HS3ST3A1: variants seen among roughly 807,000 people sequenced by gnomAD.
HS3ST3A1 encodes heparan sulfate glucosamine 3-O-sulfotransferase 3A1.
Under a neutral mutation model 25.7 loss-of-function variants are expected in HS3ST3A1, and 19 were observed. The observed-to-expected ratio is 0.74, with a 90% confidence interval of 0.52 to 1.08. HS3ST3A1 has a LOEUF of 1.08. Ranked by LOEUF, HS3ST3A1 falls within the 50% of genes least tolerant of loss-of-function variation. HS3ST3A1 has a pLI of 0.00. For synonymous variants in HS3ST3A1, 226 were observed against 278.6 expected, an observed-to-expected ratio of 0.81 and a Z score of 1.88; for missense variants, 459 against 594.3, an observed-to-expected ratio of 0.77 and a Z score of 2.37.
chr17:13,527,559 T>G (rs1906472203), intron 1 of HS3ST3A1, among the ~76,000 whole-genome samples: 1 of 152,086 alleles, frequency 6.6e-6, no homozygotes, highest in Non-Finnish European at 1.5e-5. Flanking sequence ...GAAGCCCCCC[T>G]GCTCCCCACA....
chr17:13,531,103 TTA>T (rs990006122), intron 1 of HS3ST3A1, among the ~76,000 whole-genome samples: 4 of 134,898 alleles, frequency 3.0e-5, no homozygotes, highest in African/African-American at 1.4e-4. Context: ...ACTTCTTAAT[TTA>T]ATCAAGCATT....
intron 1 of HS3ST3A1, among the ~76,000 whole-genome samples, chr17:13,563,437 C>T (rs1907598293): frequency 6.6e-6 from 1 of 152,102 alleles, no homozygotes; most frequent in Admixed American, 6.5e-5. Flanking sequence ...GGACCTATGC[C>T]AGCTGGGGCC....
intron 1 of HS3ST3A1, among the ~76,000 whole-genome samples, chr17:13,541,858 T>C (rs1385136538): frequency 2.0e-5 from 3 of 152,170 alleles, no homozygotes; most frequent in East Asian, 1.9e-4. Context: ...CTGTGAACAA[T>C]CTTGACTTGC....
At chr17:13,587,314 T>C (rs1320912094) in intron 1 of HS3ST3A1, among the ~76,000 whole-genome samples, 6 of 151,366 alleles carry the variant, frequency 4.0e-5, no homozygotes, top group East Asian at 2.0e-4. Flanking sequence ...ATTAGCTGGG[T>C]GTGGTGGCGT....
chr17:13,516,225 G>C (rs1042091916), intron 1 of HS3ST3A1, among the ~76,000 whole-genome samples: 4 of 152,074 alleles, frequency 2.6e-5, no homozygotes, highest in African/African-American at 4.8e-5. Context: ...CAGGAGAATC[G>C]CTTGAACCCA....
At chr17:13,551,286 T>C (rs1218196349) in intron 1 of HS3ST3A1, among the ~76,000 whole-genome samples, 2 of 150,950 alleles carry the variant, frequency 1.3e-5, no homozygotes, top group Admixed American at 6.6e-5. Context: ...GAGGCAGAGG[T>C]TGCAGTGAGC....
At chr17:13,550,103 C>T (rs1252706018) in intron 1 of HS3ST3A1, among the ~76,000 whole-genome samples, 1 of 152,216 alleles carries the variant, frequency 6.6e-6, no homozygotes, top group East Asian at 1.9e-4. Context: ...TGCAACACCA[C>T]ACAGCATATA....
chr17:13,574,278 T>A (rs928719021), intron 1 of HS3ST3A1, among the ~76,000 whole-genome samples: 23 of 151,554 alleles, frequency 1.5e-4, no homozygotes, highest in African/African-American at 5.1e-4. Context: ...GGACTACAGG[T>A]GTGTGTCACC....
chr17:13,506,785 G>A (rs569353066), intron 1 of HS3ST3A1, among the ~76,000 whole-genome samples: 11 of 151,974 alleles, frequency 7.2e-5, no homozygotes, highest in African/African-American at 2.7e-4. Context: ...GGCCGGGAGC[G>A]GTGGCTCACG....
intron 1 of HS3ST3A1, among the ~76,000 whole-genome samples, chr17:13,511,074 G>T (rs1014006046): frequency 6.6e-6 from 1 of 152,132 alleles, no homozygotes; most frequent in Non-Finnish European, 1.5e-5. Context: ...GCTGTACCAC[G>T]TACCACTACG....
chr17:13,499,585 T>C (rs1905393553), intron 1 of HS3ST3A1, among the ~76,000 whole-genome samples: 1 of 150,952 alleles, frequency 6.6e-6, no homozygotes, highest in Non-Finnish European at 1.5e-5. Context: ...GGTTGGCCTG[T>C]TGGGGAAGGG....
intron 1 of HS3ST3A1, among the ~76,000 whole-genome samples, chr17:13,542,968 C>T: frequency 6.6e-6 from 1 of 152,150 alleles, no homozygotes; most frequent in East Asian, 1.9e-4. Context: ...CTGACAGCTT[C>T]CAGAGAGCTG....
At chr17:13,510,785 A>G (rs1471841905) in intron 1 of HS3ST3A1, among the ~76,000 whole-genome samples, 1 of 151,482 alleles carries the variant, frequency 6.6e-6, no homozygotes, top group Non-Finnish European at 1.5e-5. Flanking sequence ...GCTCACTGCA[A>G]CCTCCACTTC....
At chr17:13,594,007 C>A (rs186004737) in intron 1 of HS3ST3A1, among the ~76,000 whole-genome samples, 305 of 152,210 alleles carry the variant, frequency 2.0e-3, no homozygotes, top group Non-Finnish European at 3.2e-3. Context: ...GATAGCTTAG[C>A]GGTCTTGGCG....
chr17:13,555,138 A>T (rs1907337879), intron 1 of HS3ST3A1, among the ~76,000 whole-genome samples: 1 of 152,082 alleles, frequency 6.6e-6, no homozygotes, highest in Non-Finnish European at 1.5e-5. Flanking sequence ...TGCTGAACAA[A>T]AACACTTATG....
intron 1 of HS3ST3A1, among the ~76,000 whole-genome samples, chr17:13,571,627 G>C (rs1195566465): frequency 6.6e-6 from 1 of 152,210 alleles, no homozygotes; most frequent in Non-Finnish European, 1.5e-5. Context: ...GAGAGGATAG[G>C]TAGATGGAAA....
intron 1 of HS3ST3A1, among the ~76,000 whole-genome samples, chr17:13,521,867 G>T (rs1307825187): frequency 6.6e-6 from 1 of 152,082 alleles, no homozygotes; most frequent in Non-Finnish European, 1.5e-5. Flanking sequence ...GTTCCAGGAT[G>T]GATAATTCTT....
chr17:13,577,964 T>C (rs986476453), intron 1 of HS3ST3A1, among the ~76,000 whole-genome samples: 10 of 152,228 alleles, frequency 6.6e-5, no homozygotes, highest in African/African-American at 2.2e-4. Flanking sequence ...AGAGACAGTA[T>C]TTGATACAAC....
intron 1 of HS3ST3A1, among the ~76,000 whole-genome samples, chr17:13,551,794 T>C (rs1907254661): frequency 6.6e-6 from 1 of 152,218 alleles, no homozygotes; most frequent in African/African-American, 2.4e-5. Context: ...AACTTGACCA[T>C]AATGATTTGT....
Sources: allele counts gnomAD v4.1 joint callset (sites outside exome capture counted in the v4.1 genomes callset), GRCh38; gene constraint gnomAD v4.1.1; transcripts MANE v1.5; gene names NCBI Gene and HGNC (gene_info 2026-07-23, HGNC 2026-07-21).